Variants in EYS observed in about 807,000 individuals in gnomAD.
EYS encodes EGF-like photoreceptor maintenance factor.
Under a neutral mutation model 282.1 loss-of-function variants are expected in EYS, and 250 were observed. The ratio of observed to expected loss-of-function variants is 0.89; its 90% CI spans 0.80 to 0.98. The LOEUF is 0.98. Among genes scored for constraint, EYS ranks in the 50% least tolerant of loss-of-function variants. The pLI is 0.00. For synonymous variants in EYS, 1,355 were observed against 1,282.9 expected, an observed-to-expected ratio of 1.06 and a Z score of -1.20; for missense variants, 4,016 against 3,709.0, an observed-to-expected ratio of 1.08 and a Z score of -2.15.
chr6:65,363,435 T>C (rs1309047379), intron 8 of EYS, among the ~76,000 whole-genome samples: 4 of 151,980 alleles, frequency 2.6e-5, no homozygotes, highest in African/African-American at 4.8e-5. Context: ...TCATTTTTTG[T>C]TACAGTTATA....
chr6:65,061,182 C>T (rs1031966883), intron 12 of EYS, among the ~76,000 whole-genome samples: 1 of 151,728 alleles, frequency 6.6e-6, no homozygotes, highest in Non-Finnish European at 1.5e-5. Context: ...GCTTTTATTG[C>T]CAAAATGTAG....
At chr6:65,515,519 T>C (rs1767091531) in intron 2 of EYS, among the ~76,000 whole-genome samples, 1 of 151,476 alleles carries the variant, frequency 6.6e-6, no homozygotes, top group Admixed American at 6.6e-5. Flanking sequence ...CTATTCACAA[T>C]AGCAAAGACT....
rs116661011 is a variant in EYS at position 64,675,411 on chromosome 6, T to G, written c.3444-49166A>C. Among the ~76,000 whole-genome samples the G allele has an allele frequency of 6.9e-3, 1,000 of 144,840 alleles. 12 individuals carry two copies. The highest frequency in any genetic ancestry group is 0.023 in the African/African-American group (915 of 39,012). On this transcript the variant is annotated intron_variant, in intron 22 of 42. Transcript: ENST00000503581. Reference sequence around the variant, plus strand: ...TGCAAACCTTTCTTTTCGTTTTTCCTGTTTCTCTTTTTTTTTCTTTTTTTT... The same window carrying G: ...TGCAAACCTTTCTTTTCGTTTTTCCGGTTTCTCTTTTTTTTTCTTTTTTTT...
At chr6:64,581,703 C>A (rs543656887) in intron 26 of EYS, among the ~76,000 whole-genome samples, 35 of 152,102 alleles carry the variant, frequency 2.3e-4, no homozygotes, top group African/African-American at 7.7e-4. Context: ...AATGCCCTTA[C>A]GTTGTACTCG....
chr6:64,197,513 A>C (rs1490032965), intron 31 of EYS, among the ~76,000 whole-genome samples: 1 of 152,180 alleles, frequency 6.6e-6, no homozygotes, highest in African/African-American at 2.4e-5. Context: ...TCTTAAGTTC[A>C]CTTAGCTTTT....
intron 12 of EYS, among the ~76,000 whole-genome samples, chr6:65,197,198 A>C (rs72881777): frequency 0.14 from 21,364 of 152,056 alleles, 1,911 homozygotes; most frequent in Non-Finnish European, 0.19. Flanking sequence ...ATGTGGGGGC[A>C]TATAATAACG....
chr6:65,392,548 G>C (rs1234460605), intron 7 of EYS, among the ~76,000 whole-genome samples: 1 of 152,200 alleles, frequency 6.6e-6, no homozygotes, highest in Non-Finnish European at 1.5e-5. Flanking sequence ...AGACATTTGT[G>C]CAGGCAAAAG....
rs553632539 is a variant in EYS, at chr6:64,016,961, C to G, written c.6726-17778G>C. The stretch of plus-strand genomic sequence containing the variant: ...CTCTGTTCTCTTAAGATGGAGGACT[C>G]CCTTCTTCCTGTCTCCTTTAATCAT... On this transcript the variant is annotated intron_variant, in intron 33 of 42. Transcript: ENST00000503581. Among the ~76,000 whole-genome samples the G allele has an allele frequency of 2.6e-5, 4 of 152,218 alleles. No homozygotes were observed. In the South Asian group the frequency reaches 8.3e-4, roughly 32 times the overall value.
At chr6:64,343,293 C>A (rs988625067) in intron 29 of EYS, among the ~76,000 whole-genome samples, 3 of 151,736 alleles carry the variant, frequency 2.0e-5, no homozygotes, top group African/African-American at 7.3e-5. Context: ...CCAAAATTGA[C>A]CACATAGTTG....
chr6:65,030,422 A>G (rs1772561188), intron 13 of EYS, among the ~76,000 whole-genome samples: 1 of 151,926 alleles, frequency 6.6e-6, no homozygotes, highest in African/African-American at 2.4e-5. Flanking sequence ...TCCCCACACC[A>G]CTATGCTGGC....
intron 36 of EYS, among the ~76,000 whole-genome samples, chr6:63,841,090 C>T (rs955044332): frequency 5.3e-5 from 8 of 152,106 alleles, no homozygotes; most frequent in East Asian, 3.8e-4. Flanking sequence ...TCTGTGCTAA[C>T]GGCTCAAATT....
intron 28 of EYS, among the ~76,000 whole-genome samples, chr6:64,391,633 C>A (rs1773150111): frequency 6.6e-6 from 1 of 152,072 alleles, no homozygotes; most frequent in Admixed American, 6.5e-5. Context: ...AAGCGCTAAA[C>A]ATGGAAAGGA....
intron 19 of EYS, among the ~76,000 whole-genome samples, chr6:64,825,958 A>T (rs79540452): frequency 0.017 from 2,591 of 151,880 alleles, 74 homozygotes; most frequent in African/African-American, 0.059. Context: ...TAACAACAAG[A>T]TTGTTTATCT....
At chr6:64,316,233 T>C (rs1352733217) in intron 29 of EYS, among the ~76,000 whole-genome samples, 1 of 152,000 alleles carries the variant, frequency 6.6e-6, no homozygotes, top group Non-Finnish European at 1.5e-5. Flanking sequence ...TGAGGCAAGA[T>C]AAAGAAATAC....
At chr6:64,789,884 G>GATATATATATAT (rs56097288) in intron 22 of EYS, among the ~76,000 whole-genome samples, 18 of 148,682 alleles carry the variant, frequency 1.2e-4, no homozygotes, top group African/African-American at 4.5e-4. Flanking sequence ...AAAGTTGTAT[G>GATATATATATAT]ATATATATAT....
chr6:63,738,858 A>C (rs1025179535), intron 41 of EYS, among the ~76,000 whole-genome samples: 1 of 152,174 alleles, frequency 6.6e-6, no homozygotes, highest in Non-Finnish European at 1.5e-5. Context: ...CTGATCCTCA[A>C]CTAATCTCCA....
chr6:65,703,618 T>C (rs1214596172), intron 1 of EYS, among the ~76,000 whole-genome samples: 1 of 151,456 alleles, frequency 6.6e-6, no homozygotes, highest in Non-Finnish European at 1.5e-5. Context: ...TTAAAAATAT[T>C]AAAATTATCT....
rs1766419897 is a variant in EYS, at chr6:64,591,781, G to T, written c.4086C>A (p.Val1362=). The T allele has an allele frequency of 8.4e-6, 13 of 1,551,276 alleles. No individual in the cohort carries two copies. The highest frequency in any genetic ancestry group is 5.9e-5 in the Admixed American group (3 of 50,974). ...TATGTGATACCGATGTTTTGTCCTG[G>T]ACAATTTGTGCTGGGTCACGAATAC... ...NFGIRDPAQI[V]QDKTSVSHMP... The change falls in exon 26 of 43, where the codon GTC becomes GTA. Residue 1362 remains valine, a synonymous_variant. Transcript: ENST00000503581.
intron 2 of EYS, among the ~76,000 whole-genome samples, chr6:65,555,904 T>C (rs1466210303): frequency 2.0e-5 from 3 of 152,242 alleles, no homozygotes; most frequent in Non-Finnish European, 4.4e-5. Context: ...TTTTAAAATA[T>C]ATTGGAGTCA....
Sources: allele counts gnomAD v4.1 joint callset (sites outside exome capture counted in the v4.1 genomes callset), GRCh38; gene constraint gnomAD v4.1.1; transcripts MANE v1.5; gene names NCBI Gene and HGNC (gene_info 2026-07-23, HGNC 2026-07-21).